ZNF257: variants seen among roughly 807,000 people sequenced by gnomAD.
The protein encoded by ZNF257 is bone marrow zinc finger 4.
A neutral mutation model predicts 11.9 loss-of-function variants in ZNF257; 12 were observed. The ratio of observed to expected loss-of-function variants is 1.01; its 90% CI spans 0.65 to 1.63. ZNF257 has a LOEUF of 1.63. Among genes scored for constraint, ZNF257 ranks in the 40% most tolerant of loss-of-function variants. The probability of loss-of-function intolerance (pLI) is 0.00; values close to 1 mark genes in which losing one functional copy is unlikely to be tolerated. For missense variants in ZNF257, 580 were observed against 665.5 expected, an observed-to-expected ratio of 0.87 and a Z score of 1.41; for synonymous variants, 183 against 222.7, an observed-to-expected ratio of 0.82 and a Z score of 1.59.
At chr19:22,052,765 A>T in intron 1 of ZNF257, 130 bp downstream of exon 1, 1 of 1,173,882 alleles carries the variant, frequency 8.5e-7, no homozygotes, top group Non-Finnish European at 1.2e-6. Context: ...TTCCTTGGCC[A>T]GCTCGGCCTC....
intron 3 of ZNF257, among the ~76,000 whole-genome samples, chr19:22,083,448 T>C (rs1359984344): frequency 6.6e-6 from 1 of 151,998 alleles, no homozygotes; most frequent in African/African-American, 2.4e-5. Flanking sequence ...TCCAGCTGGG[T>C]GACGAGTGAA....
At chr19:22,087,631 A>G in intron 3 of ZNF257, 7 of 1,181,566 alleles carry the variant, frequency 5.9e-6, no homozygotes, top group Non-Finnish European at 7.4e-6. Context: ...TTTAAATAGA[A>G]ACAAGGAGTT....
intron 1 of ZNF257, among the ~76,000 whole-genome samples, chr19:22,067,386 C>T (rs1042277670): frequency 2.0e-5 from 3 of 152,118 alleles, no homozygotes; most frequent in Admixed American, 6.6e-5. Context: ...AAAATGTCCA[C>T]AAATATGCAG....
Position 22,089,058 on chromosome 19 carries a change from T to C in ZNF257, c.1308T>C (p.Cys436=). ...AGAAACCCTACAAATGTGAAGAGTG[T>C]GGCAAAGCCTTTAACCGGTCTTCAT... ...TGEKPYKCEE[C]GKAFNRSSYL... is the part of the protein sequence containing the mutation. The change falls in exon 4 of 4, where the codon TGT becomes TGC. Residue 436 remains cysteine, a synonymous_variant. Coordinates refer to ENST00000594947, the MANE Select transcript of ZNF257 (RefSeq NM_033468.4). 1 of 1,613,696 alleles carries C rather than the reference T, an allele frequency of 6.2e-7. No homozygotes were observed. The highest frequency in any genetic ancestry group is 8.5e-7 in the Non-Finnish European group (1 of 1,179,840).
Position 22,088,381 on chromosome 19 carries a change from A to T in ZNF257, c.631A>T (p.Asn211Tyr), listed in dbSNP as rs763574704. The T allele has an allele frequency of 4.3e-6, 7 of 1,613,888 alleles. No homozygotes were observed. In the South Asian group the frequency reaches 6.6e-5, roughly 15 times the overall value. Reference protein sequence around the residue: ...HKCEECGKAFNQSSALTRHKM... With the variant: ...HKCEECGKAFYQSSALTRHKM... ...ATGTGAAGAATGTGGCAAAGCCTTT[A>T]ACCAGTCCTCAGCTCTTACTCGACA... is the stretch of plus-strand genomic sequence containing the variant. The change falls in exon 4 of 4, where the codon AAC becomes TAC. Residue 211 changes from asparagine to tyrosine, a missense_variant. Transcript: ENST00000594947.
intron 3 of ZNF257, among the ~76,000 whole-genome samples, chr19:22,085,038 G>GT (rs567400028): frequency 0.017 from 2,565 of 147,726 alleles, 67 homozygotes; most frequent in African/African-American, 0.059. Flanking sequence ...CAAAGTTTTA[G>GT]TTTTTTTTTT....
At chr19:22,078,792 C>CTTTTTT (rs376822565) in intron 3 of ZNF257, among the ~76,000 whole-genome samples, 2 of 133,014 alleles carry the variant, frequency 1.5e-5, no homozygotes, top group Admixed American at 7.7e-5. Flanking sequence ...TTCTTTCTTT[C>CTTTTTT]TTTTTTTTTT....
intron 1 of ZNF257, among the ~76,000 whole-genome samples, chr19:22,055,053 A>G (rs959360873): frequency 6.6e-6 from 1 of 151,696 alleles, no homozygotes; most frequent in African/African-American, 2.4e-5. Context: ...GATTGTCTTC[A>G]CCCAACTCAG....
chr19:22,053,700 C>T (rs954433788), intron 1 of ZNF257, among the ~76,000 whole-genome samples: 2 of 152,082 alleles, frequency 1.3e-5, no homozygotes, highest in Non-Finnish European at 2.9e-5. Flanking sequence ...CCCAGGCGGG[C>T]GGATCACTTG....
intron 3 of ZNF257, among the ~76,000 whole-genome samples, chr19:22,077,032 T>A (rs1390534681): frequency 6.6e-6 from 1 of 152,064 alleles, no homozygotes; most frequent in South Asian, 2.1e-4. Context: ...ATTTCAGGCC[T>A]AGGCATGGTG....
Position 22,060,934 on chromosome 19 carries a change from A to G in ZNF257, c.3+8299A>G, listed in dbSNP as rs116304738. Among the ~76,000 whole-genome samples, 371 of 152,234 alleles carry G rather than the reference A, an allele frequency of 2.4e-3. 2 individuals carry two copies. The highest frequency in any genetic ancestry group is 8.1e-3 in the African/African-American group (336 of 41,536). On this transcript the variant is annotated intron_variant, in intron 1 of 3. Transcript: ENST00000594947. ...AGTTTGTCAAAGATCAGATGGTTGT[A>G]GGTGTGCAGAATAAATTTTGGGGCT...
intron 3 of ZNF257, 67 bp downstream of exon 3, chr19:22,073,631 C>T: frequency 6.5e-7 from 1 of 1,527,830 alleles, no homozygotes; most frequent in East Asian, 2.4e-5. Flanking sequence ...AAGGAGAAAG[C>T]AAGTCCTTAA....
intron 1 of ZNF257, among the ~76,000 whole-genome samples, chr19:22,058,540 G>A (rs1177903924): frequency 6.6e-6 from 1 of 152,166 alleles, no homozygotes; most frequent in Non-Finnish European, 1.5e-5. Flanking sequence ...GGTGGTGTCA[G>A]AATTCAAATT....
At chr19:22,073,615 C>T in intron 3 of ZNF257, 51 bp downstream of exon 3, 2 of 1,575,568 alleles carry the variant, frequency 1.3e-6, no homozygotes, top group African/African-American at 2.8e-5. Flanking sequence ...GAGAGATCCA[C>T]AGGTCAAGGA....
At chr19:22,067,056 G>C (rs7247147) in intron 1 of ZNF257, among the ~76,000 whole-genome samples, 35,959 of 151,776 alleles carry the variant, frequency 0.24, 5,817 homozygotes, top group African/African-American at 0.46. Flanking sequence ...CTCTAGAGGG[G>C]ACTTTCCCTC....
At chr19:22,077,893 G>T (rs1456846150) in intron 3 of ZNF257, among the ~76,000 whole-genome samples, 1 of 151,928 alleles carries the variant, frequency 6.6e-6, no homozygotes, top group South Asian at 2.1e-4. Context: ...ATCGACATGG[G>T]TTTCATTTTC....
chr19:22,063,006 A>G (rs544005635), intron 1 of ZNF257, among the ~76,000 whole-genome samples: 12 of 152,138 alleles, frequency 7.9e-5, no homozygotes, highest in Admixed American at 3.3e-4. Context: ...ATATATTACT[A>G]ATCCAATTTT....
chr19:22,089,073 C>T lies in ZNF257; in HGVS notation c.1323C>T (p.Asn441=). 2 of 1,612,762 alleles carry T rather than the reference C, an allele frequency of 1.2e-6. No individual in the cohort carries two copies. Among genetic ancestry groups the T allele is most frequent in the Non-Finnish European group, 1.7e-6 (2 of 1,179,642 alleles). Residue 441 remains asparagine, a synonymous_variant, in exon 4 of 4, where the codon AAC becomes AAT. Transcript: ENST00000594947. The part of the protein sequence containing the change: ...YKCEECGKAF[N]RSSYLIRHKI... ...GTGAAGAGTGTGGCAAAGCCTTTAA[C>T]CGGTCTTCATACCTTATTCGACATA...
chr19:22,078,131 A>G (rs1376401030), intron 3 of ZNF257, among the ~76,000 whole-genome samples: 1 of 151,032 alleles, frequency 6.6e-6, no homozygotes, highest in Non-Finnish European at 1.5e-5. Context: ...CCAGCTACTC[A>G]GGAGGCTGAA....
Sources: gnomAD v4.1 joint callset for allele counts (sites outside exome capture counted in the v4.1 genomes callset) on GRCh38, gnomAD v4.1.1 for gene constraint, MANE v1.5 for transcripts, NCBI Gene and HGNC (gene_info 2026-07-23, HGNC 2026-07-21) for gene names.